The following NEDD9 variants were observed in gnomAD, a reference collection of about 807,000 sequenced individuals.
NEDD9 encodes neural precursor cell expressed, developmentally down-regulated 9.
Under a neutral mutation model 76.6 loss-of-function variants are expected in NEDD9, and 26 were observed. The observed-to-expected ratio is 0.34, with a 90% CI of 0.25 to 0.47. The LOEUF (loss-of-function observed/expected upper bound fraction) is 0.47, where lower values mean the gene tolerates loss of function less well. Among genes scored for constraint, NEDD9 ranks in the 20% least tolerant of loss-of-function variants. The pLI is 1.00. For missense variants in NEDD9, 937 were observed against 1,058.5 expected (o/e 0.89, Z 1.59); for synonymous variants, 392 against 414.2 (o/e 0.95, Z 0.65).
intron 3 of NEDD9, among the ~76,000 whole-genome samples, chr6:11,275,545 TACACACAC>T (rs71550763): frequency 2.0e-5 from 3 of 149,928 alleles, no homozygotes; most frequent in Admixed American, 6.7e-5. Flanking sequence ...AATACATACA[TACACACAC>T]ACACACACAC....
chr6:11,331,888 C>G (rs914854530), intron 2 of NEDD9, among the ~76,000 whole-genome samples: 1 of 152,192 alleles, frequency 6.6e-6, no homozygotes, highest in Admixed American at 6.5e-5. Context: ...GTGGCAGCAG[C>G]AAGCCCAGAC....
intron 2 of NEDD9, chr6:11,200,163 C>T (rs2876216): frequency 9.2e-6 from 2 of 217,570 alleles, no homozygotes; most frequent in African/African-American, 2.4e-5. Flanking sequence ...TAAGGGGGAA[C>T]ATTGGACTAT....
At chr6:11,201,644 T>C (rs1278378247) in intron 2 of NEDD9, among the ~76,000 whole-genome samples, 1 of 152,208 alleles carries the variant, frequency 6.6e-6, no homozygotes, top group Non-Finnish European at 1.5e-5. Context: ...TTATTTATAC[T>C]TCTACATTAT....
At chr6:11,262,261 G>C (rs1191236773) in intron 3 of NEDD9, among the ~76,000 whole-genome samples, 1 of 152,192 alleles carries the variant, frequency 6.6e-6, no homozygotes, top group Non-Finnish European at 1.5e-5. Flanking sequence ...CTTCCAAAAA[G>C]AAGGCACAAA....
In NEDD9 at chr6:11,190,349, T is replaced by C. The variant is rs1561779221; in HGVS notation, c.1520A>G (p.Asn507Ser). 1 of 1,614,216 alleles carries C rather than the reference T, an allele frequency of 6.2e-7. No homozygotes were observed. ...GATATTCAGGGACCAGCTGCACTCA[T>C]TTAAGTCATGGCTGGTTTGACTCAG... The part of the protein sequence containing the change: ...QILSQTSHDL[N>S]ECSWSLNILA... The change falls in exon 5 of 7, where the codon AAT becomes AGT. Residue 507 changes from asparagine (N) to serine (S), a missense_variant. Coordinates refer to ENST00000379446, the MANE Select transcript of NEDD9 (RefSeq NM_006403.4). The surrounding 1 kb of genome is among the most constrained non-coding windows in gnomAD (Gnocchi z 5.8).
Position 11,190,442 on chromosome 6 carries a change from A to C in NEDD9, c.1427T>G (p.Leu476Arg). ...VKGAVANAAC[L>R]PELILHNKMK... ...CTTGTTGTGGAGGATGAGTTCCGGG[A>C]GGCAGGCAGCATTTGCAACAGCTCC... The change falls in exon 5 of 7, where the codon CTC (leucine) becomes CGC (arginine). Residue 476 changes from leucine to arginine, a missense_variant. Coordinates refer to ENST00000379446, the MANE Select transcript of NEDD9 (RefSeq NM_006403.4). The surrounding 1 kb of genome is among the most constrained non-coding windows in gnomAD (Gnocchi z 5.8). 1 of 1,614,164 alleles carries C rather than the reference A, an allele frequency of 6.2e-7. No individual in the cohort carries two copies. Among genetic ancestry groups the C allele is most frequent in the Non-Finnish European group, 8.5e-7 (1 of 1,180,042 alleles).
intron 2 of NEDD9, among the ~76,000 whole-genome samples, chr6:11,311,708 A>G (rs1761373194): frequency 6.6e-6 from 1 of 152,220 alleles, no homozygotes; most frequent in African/African-American, 2.4e-5. Context: ...AGCTGCCATA[A>G]TAAAATATTA....
Position 11,184,938 on chromosome 6 carries a change from C to T in NEDD9, c.*224G>A. 2 of 486,656 alleles carry T rather than the reference C, an allele frequency of 4.1e-6. No homozygotes were observed. The highest frequency in any genetic ancestry group is 3.6e-5 in the Admixed American group (1 of 27,436). 30.1% of individuals were successfully genotyped at this position (486,656 alleles called of 1,614,324 possible). A position where few individuals can be genotyped will look rare whatever the true frequency, so the allele number is the denominator to read the frequency against. On this transcript the variant is annotated 3_prime_UTR_variant, in exon 7 of 7. Coordinates refer to ENST00000379446, the MANE Select transcript of NEDD9 (RefSeq NM_006403.4). ...GACAAGTTTTCTGTACAGTTTATGT[C>T]TCAGATACTTCTATGTATACATAAG...
intron 3 of NEDD9, among the ~76,000 whole-genome samples, chr6:11,250,335 G>A (rs1759894759): frequency 6.6e-6 from 1 of 152,166 alleles, no homozygotes; most frequent in African/African-American, 2.4e-5. Context: ...ATGAAAATGA[G>A]GCAATTGTAT....
chr6:11,275,842 T>A (rs1319027407), intron 3 of NEDD9, among the ~76,000 whole-genome samples: 1 of 152,148 alleles, frequency 6.6e-6, no homozygotes, highest in Non-Finnish European at 1.5e-5. Context: ...TGGTGACACA[T>A]CTACTCAAAC....
At position 11,213,338 on chromosome 6, in the gene NEDD9, C is replaced by T. The variant is rs1561791003; in HGVS notation, c.402G>A (p.Val134=). ...HGTQEQEVYQ[V]PPSVQRSIGG... Reference sequence around the variant, plus strand: ...CAATGCTTCTCTGCACTGATGGTGGCACCTGATATACCTCTTGTTCTTGGG... The same window carrying T: ...CAATGCTTCTCTGCACTGATGGTGGTACCTGATATACCTCTTGTTCTTGGG... The change falls in exon 2 of 7, where the codon GTG becomes GTA. Residue 134 remains valine (V), a synonymous_variant. Transcript: ENST00000379446. This position sits in a 1 kb window ranked among gnomAD's most constrained non-coding sequence, Gnocchi z 5.4. The T allele has an allele frequency of 6.2e-7, 1 of 1,614,112 alleles. No homozygotes were observed.
At position 11,191,155 on chromosome 6, in the gene NEDD9, T is replaced by C. The variant is rs752911879; in HGVS notation, c.714A>G (p.Glu238=). 1 of 1,613,650 alleles carries C rather than the reference T, an allele frequency of 6.2e-7. No individual in the cohort carries two copies. The highest frequency in any genetic ancestry group is 1.1e-5 in the South Asian group (1 of 91,018). The change falls in exon 5 of 7, where the codon GAA becomes GAG. Residue 238 remains glutamate, a synonymous_variant. Transcript: ENST00000379446. ...TGGGAGGGGGGAAGTCATAGTCTTT[T>C]TCCCTAAGCCCTGCTTCATCCCGGC... is the stretch of plus-strand genomic sequence containing the variant. ...SACRDEAGLR[E]KDYDFPPPMR...
At chr6:11,294,924 C>T (rs780822899) in intron 3 of NEDD9, among the ~76,000 whole-genome samples, 20 of 152,278 alleles carry the variant, frequency 1.3e-4, no homozygotes, top group African/African-American at 3.9e-4. Context: ...GGGTCTTTCC[C>T]GTGCTGTTCT....
At chr6:11,218,119 A>G (rs560707776) in intron 1 of NEDD9, among the ~76,000 whole-genome samples, 6 of 152,202 alleles carry the variant, frequency 3.9e-5, no homozygotes, top group Non-Finnish European at 8.8e-5. Context: ...TCTTCGCTGG[A>G]TATTTCTTCT....
chr6:11,204,878 A>T (rs1482328178), intron 2 of NEDD9, among the ~76,000 whole-genome samples: 1 of 152,142 alleles, frequency 6.6e-6, no homozygotes, highest in African/African-American at 2.4e-5. Flanking sequence ...GCCCACTCTG[A>T]AACTGCCCAC....
At chr6:11,333,619 G>A (rs2113507783) in intron 2 of NEDD9, among the ~76,000 whole-genome samples, 1 of 152,326 alleles carries the variant, frequency 6.6e-6, no homozygotes, top group South Asian at 2.1e-4. Flanking sequence ...ACAGCCTGGA[G>A]AGGGACTCCC....
At position 11,237,853 on chromosome 6, in the gene NEDD9, AG is replaced by A. The variant is rs1759637108; in HGVS notation, c.13-24127del. On this transcript the variant is annotated intron_variant, in intron 3 of 3. Transcript: ENST00000397378. The surrounding 1 kb of genome is among the most constrained non-coding windows in gnomAD (Gnocchi z 4.9). ...AAAGTATAGATCTTTCCACATCTAC[AG>A]GGGAACAATCTGGAAGCTGAGTGAG... Among the ~76,000 whole-genome samples the A allele has an allele frequency of 6.6e-6, 1 of 152,224 alleles. No homozygotes were observed. Among genetic ancestry groups the A allele is most frequent in the Non-Finnish European group, 1.5e-5 (1 of 68,044 alleles).
chr6:11,368,860 C>CA (rs1762812321), intron 1 of NEDD9, among the ~76,000 whole-genome samples: 1 of 152,160 alleles, frequency 6.6e-6, no homozygotes, highest in Non-Finnish European at 1.5e-5. Context: ...CCTCCTCTTC[C>CA]TCCCACTAGC....
intron 1 of NEDD9, among the ~76,000 whole-genome samples, chr6:11,377,173 T>C (rs1354118871): frequency 6.6e-6 from 1 of 152,150 alleles, no homozygotes; most frequent in Non-Finnish European, 1.5e-5. Flanking sequence ...ACTAGGAAAA[T>C]GCCAGGGGAA....
Sources: gnomAD v4.1 joint callset for allele counts (sites outside exome capture counted in the v4.1 genomes callset) on GRCh38, gnomAD v4.1.1 for gene constraint, Gnocchi (gnomAD v3.1) non-coding constraint, MANE v1.5 for transcripts, NCBI Gene and HGNC (gene_info 2026-07-23, HGNC 2026-07-21) for gene names.